The following RALYL variants were observed in gnomAD, a reference collection of about 807,000 sequenced individuals.
RALYL encodes the protein RNA-binding Raly-like protein.
RALYL carries 29 observed loss-of-function variants against 35.1 expected under a neutral mutation model. The ratio of observed to expected loss-of-function variants is 0.83; its 90% CI spans 0.61 to 1.13. The LOEUF (loss-of-function observed/expected upper bound fraction) is 1.13. Ranked by LOEUF, RALYL falls within the 50% of genes most tolerant of loss-of-function variation. The probability of loss-of-function intolerance (pLI) is 0.00; values close to 1 mark genes in which losing one functional copy is unlikely to be tolerated. For synonymous variants in RALYL, 120 were observed against 127.6 expected (o/e 0.94, Z 0.40); for missense variants, 359 against 360.4 (o/e 1.00, Z 0.03).
At position 84,497,616 on chromosome 8, in the gene RALYL, T is replaced by G. The variant is rs141238869; in HGVS notation, c.-23-31683T>G. ...ATGGAAATGAATGATTTTTAAGGTT[T>G]TGTTTTTTTTGTTGTTTTTGTTTTT... On this transcript the variant is annotated intron_variant, in intron 1 of 8. Transcript: ENST00000521268. 8.7e-3 allele frequency among the ~76,000 whole-genome samples: 1,318 copies of G among 150,990 alleles called. 19 individuals carry two copies. Among genetic ancestry groups the G allele is most frequent in the African/African-American group, 0.03 (1,226 of 40,964 alleles).
At chr8:84,634,971 A>G (rs895076973) in intron 2 of RALYL, among the ~76,000 whole-genome samples, 3 of 151,730 alleles carry the variant, frequency 2.0e-5, no homozygotes, top group African/African-American at 7.3e-5. Flanking sequence ...TGAAAAGCCC[A>G]CACCTAGTCA....
intron 1 of RALYL, among the ~76,000 whole-genome samples, chr8:84,280,964 G>C (rs1402450057): frequency 2.0e-5 from 3 of 152,042 alleles, no homozygotes; most frequent in Non-Finnish European, 4.4e-5. Context: ...GTGATGTTGT[G>C]AGCCTGTGTT....
At chr8:84,580,493 C>T (rs1242954598) in intron 2 of RALYL, among the ~76,000 whole-genome samples, 2 of 152,066 alleles carry the variant, frequency 1.3e-5, no homozygotes, top group Non-Finnish European at 2.9e-5. Context: ...TTTTAAACAA[C>T]CAGCTCTTAT....
intron 1 of RALYL, among the ~76,000 whole-genome samples, chr8:84,498,226 A>C (rs999384080): frequency 1.3e-5 from 2 of 152,018 alleles, no homozygotes; most frequent in African/African-American, 4.8e-5. Context: ...AAATTTATAA[A>C]AGAGTTTTGC....
chr8:84,603,092 T>C (rs952448662), intron 2 of RALYL, among the ~76,000 whole-genome samples: 1 of 152,024 alleles, frequency 6.6e-6, no homozygotes, highest in Non-Finnish European at 1.5e-5. Flanking sequence ...AGATGGTAAA[T>C]TTTATATGTA....
chr8:84,325,849 G>T (rs1013306793), intron 1 of RALYL, among the ~76,000 whole-genome samples: 15 of 152,294 alleles, frequency 9.8e-5, no homozygotes, highest in South Asian at 8.3e-4. Flanking sequence ...TAAAAAATAG[G>T]CTGGGTGCAG....
At chr8:84,647,959 A>T (rs905451289) in intron 2 of RALYL, among the ~76,000 whole-genome samples, 4 of 152,104 alleles carry the variant, frequency 2.6e-5, no homozygotes, top group Non-Finnish European at 5.9e-5. Context: ...GATTACATTA[A>T]ATGGTCCATG....
At chr8:84,305,014 T>A (rs1841521130) in intron 1 of RALYL, among the ~76,000 whole-genome samples, 1 of 152,286 alleles carries the variant, frequency 6.6e-6, no homozygotes, top group Middle Eastern at 3.4e-3. Flanking sequence ...TGGGAAACAT[T>A]ACAGAGCTGG....
rs957075733 is a variant in RALYL at position 84,322,377 on chromosome 8, T to C, written c.-24+137953T>C. Reference sequence around the variant, plus strand: ...AGGTAGGAGGAACAAAGAATAAAGCTAGGAAAACAGTAAAAGTAAATAATA... The same window carrying C: ...AGGTAGGAGGAACAAAGAATAAAGCCAGGAAAACAGTAAAAGTAAATAATA... On this transcript the variant is annotated intron_variant, in intron 1 of 8. Coordinates refer to ENST00000521268, the MANE Select transcript of RALYL (RefSeq NM_173848.7). Among the ~76,000 whole-genome samples, 3 of 152,152 alleles carry C rather than the reference T, an allele frequency of 2.0e-5. No homozygotes were observed. The East Asian group carries it at 5.8e-4, about 29-fold the overall frequency.
At position 84,480,655 on chromosome 8, in the gene RALYL, G is replaced by A. The variant is rs76344860; in HGVS notation, c.-23-48644G>A. 4.0e-3 allele frequency among the ~76,000 whole-genome samples: 613 copies of A among 152,168 alleles called. 2 individuals carry two copies. Among genetic ancestry groups the A allele is most frequent in the Non-Finnish European group, 6.7e-3 (453 of 67,984 alleles). On this transcript the variant is annotated intron_variant, in intron 1 of 8. Transcript: ENST00000521268. The stretch of plus-strand genomic sequence containing the variant: ...CCAAGAAATGTGGTGATAAGAGAGC[G>A]TTCAAGATAGGGGACTTTTGGAGTT...
intron 1 of RALYL, among the ~76,000 whole-genome samples, chr8:84,443,122 C>T (rs1056501721): frequency 7.9e-5 from 12 of 152,084 alleles, no homozygotes; most frequent in African/African-American, 2.2e-4. Flanking sequence ...TTAATTCTTC[C>T]TACAATTTTA....
chr8:84,830,954 A>G (rs78039444), intron 4 of RALYL, among the ~76,000 whole-genome samples: 1,729 of 152,216 alleles, frequency 0.011, 41 homozygotes, highest in African/African-American at 0.039. Flanking sequence ...GAAGCAGTAA[A>G]TTAAAGATTT....
intron 1 of RALYL, among the ~76,000 whole-genome samples, chr8:84,203,069 G>C (rs1817279079): frequency 6.6e-6 from 1 of 152,100 alleles, no homozygotes; most frequent in Admixed American, 6.5e-5. Context: ...ATTCGCAAAG[G>C]AAAAAGAATG....
chr8:84,229,041 A>G (rs542889398), intron 1 of RALYL, among the ~76,000 whole-genome samples: 1 of 152,294 alleles, frequency 6.6e-6, no homozygotes, highest in African/African-American at 2.4e-5. Flanking sequence ...CTTCTGCACC[A>G]TTGCCATACT....
At chr8:84,302,906 A>G (rs764842148) in intron 1 of RALYL, among the ~76,000 whole-genome samples, 7 of 152,196 alleles carry the variant, frequency 4.6e-5, no homozygotes, top group Non-Finnish European at 7.3e-5. Flanking sequence ...CTTACGTTAG[A>G]CACCCAAAGG....
chr8:84,862,435 G>T lies in RALYL; in HGVS notation c.553G>T (p.Gly185Trp). Residue 185 changes from glycine to tryptophan, a missense_variant, in exon 6 of 9, where the codon GGG becomes TGG. Transcript: ENST00000521268. ...AGGTGGATCGAGATCTACTGCCAGT[G>T]GGTCAACAGGTTCTAAATGTAAGTA... ...MKGGSRSTAS[G>W]STGSKLKSDE... 1.3e-6 allele frequency: 2 copies of T among 1,599,180 alleles called. No homozygotes were observed. The highest frequency in any genetic ancestry group is 1.7e-6 in the Non-Finnish European group (2 of 1,174,280).
chr8:84,796,454 C>T (rs1053135105), intron 3 of RALYL, among the ~76,000 whole-genome samples: 1 of 152,026 alleles, frequency 6.6e-6, no homozygotes, highest in Non-Finnish European at 1.5e-5. Context: ...AAGACTCTTT[C>T]TTTATTAAAT....
chr8:84,578,682 C>G (rs976894494), intron 2 of RALYL, among the ~76,000 whole-genome samples: 3 of 152,028 alleles, frequency 2.0e-5, no homozygotes, highest in Non-Finnish European at 2.9e-5. Context: ...GTTGTCCTGA[C>G]AAGTCTCCAG....
At chr8:84,193,293 C>A (rs1039043732) in intron 1 of RALYL, among the ~76,000 whole-genome samples, 1 of 151,770 alleles carries the variant, frequency 6.6e-6, no homozygotes, top group Admixed American at 6.6e-5. Flanking sequence ...GGATGGAATC[C>A]CCTTGCAGGA....
Sources: allele counts gnomAD v4.1 joint callset (sites outside exome capture counted in the v4.1 genomes callset), GRCh38; gene constraint gnomAD v4.1.1; transcripts MANE v1.5; gene names NCBI Gene and HGNC (gene_info 2026-07-23, HGNC 2026-07-21).